SPINK9: variants seen among roughly 807,000 people sequenced by gnomAD.
SPINK9 encodes serine protease inhibitor Kazal-type 9.
Under a neutral mutation model 10.8 loss-of-function variants are expected in SPINK9, and 3 were observed. The observed-to-expected ratio is 0.28, with a 90% CI of 0.13 to 0.72. The LOEUF (loss-of-function observed/expected upper bound fraction) is 0.72. Among genes scored for constraint, SPINK9 ranks in the 30% least tolerant of loss-of-function variants. SPINK9 has a pLI of 0.74. For missense variants in SPINK9, 101 were observed against 103.2 expected (o/e 0.98, Z 0.09); for synonymous variants, 30 against 31.2 (o/e 0.96, Z 0.12).
intron 2 of SPINK9, among the ~76,000 whole-genome samples, chr5:148,326,126 C>A (rs1020470419): frequency 1.3e-5 from 2 of 152,068 alleles, no homozygotes; most frequent in Admixed American, 1.3e-4. Flanking sequence ...TACAAATGGT[C>A]AACAGATATA....
rs554514518 is a variant in SPINK9, at chr5:148,337,935, C to T, written c.88-543C>T. 8.5e-5 allele frequency among the ~76,000 whole-genome samples: 13 copies of T among 152,138 alleles called. No homozygotes were observed. In the South Asian group the frequency reaches 2.7e-3, roughly 32 times the overall value. On this transcript the variant is annotated intron_variant, in intron 2 of 3. Transcript: ENST00000377906. ...GCTCTAGGAATTTAGAACACTGGTT[C>T]CCAACTACAATATTAAGATATATTC...
intron 2 of SPINK9, among the ~76,000 whole-genome samples, chr5:148,326,490 A>G (rs909089717): frequency 6.6e-6 from 1 of 152,134 alleles, no homozygotes; most frequent in Non-Finnish European, 1.5e-5. Context: ...AGAAATAACC[A>G]AAGTGCCCAT....
upstream of SPINK9, among the ~76,000 whole-genome samples, chr5:148,330,939 G>A (rs1757140412): frequency 2.0e-5 from 3 of 152,342 alleles, no homozygotes; most frequent in Non-Finnish European, 4.4e-5. Flanking sequence ...CGATGGAAAA[G>A]CGTAGTATTA....
At chr5:148,338,769 A>G (rs1422087581) in intron 3 of SPINK9, among the ~76,000 whole-genome samples, 164 bp downstream of exon 3, 10 of 152,258 alleles carry the variant, frequency 6.6e-5, no homozygotes, top group Non-Finnish European at 7.4e-5. Context: ...TGATATCACA[A>G]TATCCCCACA....
At chr5:148,338,768 A>G (rs1267932629) in intron 3 of SPINK9, among the ~76,000 whole-genome samples, 163 bp downstream of exon 3, 2 of 152,162 alleles carry the variant, frequency 1.3e-5, no homozygotes, top group East Asian at 1.9e-4. Flanking sequence ...CTGATATCAC[A>G]ATATCCCCAC....
upstream of SPINK9, chr5:148,335,462 G>T: frequency 1.6e-6 from 1 of 611,902 alleles, no homozygotes; most frequent in East Asian, 2.8e-5. Flanking sequence ...AGACATTTCT[G>T]ACCTCTTTCT....
At chr5:148,328,597 G>A (rs967804152) in intron 2 of SPINK9, among the ~76,000 whole-genome samples, 44 of 152,302 alleles carry the variant, frequency 2.9e-4, no homozygotes, top group African/African-American at 8.9e-4. Context: ...CAAAGGGAAT[G>A]CTTCCAGTTT....
chr5:148,337,891 A>G (rs1032347276), intron 2 of SPINK9, among the ~76,000 whole-genome samples: 5 of 152,152 alleles, frequency 3.3e-5, no homozygotes, highest in African/African-American at 1.2e-4. Context: ...GGAATTGCCT[A>G]CCTACTTCCA....
intron 2 of SPINK9, among the ~76,000 whole-genome samples, chr5:148,328,767 G>T (rs959943607): frequency 6.6e-6 from 1 of 152,232 alleles, no homozygotes; most frequent in Admixed American, 6.5e-5. Flanking sequence ...TAATCATGTG[G>T]TTTTTGTCTT....
In SPINK9 at chr5:148,339,696, A is replaced by G. The variant is rs1757264150; in HGVS notation, c.245A>G (p.His82Arg). 5 of 1,612,622 alleles carry G rather than the reference A, an allele frequency of 3.1e-6. No homozygotes were observed. The highest frequency in any genetic ancestry group is 4.2e-6 in the Non-Finnish European group (5 of 1,179,128). ...ACTGACGGCACACTTAAATTTGTACATTTTGGAAAATGTTAAATCTATCTT... is the reference window on the plus strand; with the variant it reads ...ACTGACGGCACACTTAAATTTGTACGTTTTGGAAAATGTTAAATCTATCTT... ...KKTDGTLKFV[H>R]FGKC Residue 82 changes from histidine to arginine, a missense_variant, in exon 4 of 4, where the codon CAT becomes CGT. Transcript: ENST00000377906.
upstream of SPINK9, among the ~76,000 whole-genome samples, chr5:148,333,886 A>G (rs1561768038): frequency 1.3e-5 from 2 of 152,236 alleles, no homozygotes; most frequent in African/African-American, 2.4e-5. Context: ...ATGAGTTAGT[A>G]TACTTATAGC....
chr5:148,339,791 C>A lies in SPINK9; in HGVS notation c.*79C>A. On this transcript the variant is annotated 3_prime_UTR_variant, in exon 4 of 4. Coordinates refer to ENST00000377906, the MANE Select transcript of SPINK9 (RefSeq NM_001040433.2). ...ATTTCTGTTCCCATATTATCTATGC[C>A]ACATTGCCTACTCATCACCATATGT... The A allele has an allele frequency of 1.7e-6, 2 of 1,189,056 alleles. No individual in the cohort carries two copies. Among genetic ancestry groups the A allele is most frequent in the South Asian group, 1.3e-5 (1 of 79,930 alleles). The allele number at this position is 1,189,056 out of a possible 1,614,324, so 73.7% of individuals were successfully genotyped here.
At chr5:148,335,343 C>A (rs1425115156), upstream of SPINK9, among the ~76,000 whole-genome samples, 1 of 152,144 alleles carries the variant, frequency 6.6e-6, no homozygotes, top group Non-Finnish European at 1.5e-5. Flanking sequence ...TAGTTCAAAG[C>A]AAAGCTACCA....
At position 148,338,575 on chromosome 5, in the gene SPINK9, A is replaced by T. The variant is rs1204418388; in HGVS notation, c.185A>T (p.Lys62Ile). 1.3e-6 allele frequency: 2 copies of T among 1,596,724 alleles called. No individual in the cohort carries two copies. Among genetic ancestry groups the T allele is most frequent in the Non-Finnish European group, 1.7e-6 (2 of 1,166,206 alleles). ...TGTGGATCTGATGGCAAAACTTATA[A>T]AAATGATTGCTTCTTCTGTTCTAAA... ...PICGSDGKTY[K>I]NDCFFCSKVK... The change falls in exon 3 of 4, where the codon AAA (lysine) becomes ATA (isoleucine). Residue 62 changes from lysine (K) to isoleucine (I), a missense_variant. Coordinates refer to ENST00000377906, the MANE Select transcript of SPINK9 (RefSeq NM_001040433.2).
chr5:148,339,532 G>A, intron 3 of SPINK9, 135 bp from the exon 4 acceptor site: 1 of 656,386 alleles, frequency 1.5e-6, no homozygotes, highest in South Asian at 2.1e-5. Flanking sequence ...TTTCTAAATT[G>A]CAGTCACTCC....
At chr5:148,334,874 C>T (rs1396185934), upstream of SPINK9, among the ~76,000 whole-genome samples, 3 of 152,164 alleles carry the variant, frequency 2.0e-5, no homozygotes, top group South Asian at 2.1e-4. Flanking sequence ...AGGCTTATAG[C>T]GGATAAATAG....
intron 2 of SPINK9, among the ~76,000 whole-genome samples, chr5:148,330,255 T>C (rs1160723332): frequency 6.6e-6 from 1 of 152,244 alleles, no homozygotes; most frequent in Non-Finnish European, 1.5e-5. Flanking sequence ...TTTACCATTA[T>C]GTAATGGCCT....
chr5:148,324,697 A>C (rs1050373050), intron 2 of SPINK9, among the ~76,000 whole-genome samples: 5 of 151,496 alleles, frequency 3.3e-5, no homozygotes, highest in African/African-American at 1.2e-4. Context: ...ATAATGCATG[A>C]TCCTGAATGG....
intron 2 of SPINK9, chr5:148,323,876 G>T: frequency 1.4e-6 from 1 of 690,768 alleles, no homozygotes; most frequent in Non-Finnish European, 2.6e-6. Flanking sequence ...AAGGTATGTA[G>T]CCCGCGAAAG....
Sources: allele counts gnomAD v4.1 joint callset (sites outside exome capture counted in the v4.1 genomes callset), GRCh38; gene constraint gnomAD v4.1.1; transcripts MANE v1.5; gene names NCBI Gene and HGNC (gene_info 2026-07-23, HGNC 2026-07-21).